The following MAP2K4 variants were observed in gnomAD, a reference collection of about 807,000 sequenced individuals.
MAP2K4 encodes mitogen-activated protein kinase kinase 4.
In MAP2K4, 4 loss-of-function variants were observed where a neutral mutation model predicts 48.5. The ratio of observed to expected loss-of-function variants is 0.08; its 90% CI spans 0.04 to 0.19. MAP2K4 has a LOEUF of 0.19. MAP2K4 is among the 10% of genes least tolerant of loss of function. MAP2K4 has a pLI of 1.00. For missense variants in MAP2K4, 258 were observed against 493.3 expected (o/e 0.52, Z 4.52); for synonymous variants, 166 against 173.1 (o/e 0.96, Z 0.32).
chr17:12,023,711 CT>C (rs1356548302), intron 1 of MAP2K4, among the ~76,000 whole-genome samples: 1 of 152,078 alleles, frequency 6.6e-6, no homozygotes, highest in Non-Finnish European at 1.5e-5. Flanking sequence ...GCCAATATTG[CT>C]TTCTTAATAT....
At chr17:12,074,767 A>G (rs1421810391) in intron 2 of MAP2K4, among the ~76,000 whole-genome samples, 3 of 152,128 alleles carry the variant, frequency 2.0e-5, no homozygotes, top group East Asian at 1.9e-4. Flanking sequence ...CCGCAACTCA[A>G]GGGTACTGCC....
At chr17:12,126,532 G>C (rs1024136019) in intron 8 of MAP2K4, among the ~76,000 whole-genome samples, 6 of 152,182 alleles carry the variant, frequency 3.9e-5, no homozygotes, top group Non-Finnish European at 5.9e-5. Flanking sequence ...CCATCTTCTT[G>C]TTGTAGTCTC....
rs76500102 is a variant in MAP2K4, at chr17:12,083,750, A to G, written c.393+2220A>G. Among the ~76,000 whole-genome samples, 822 of 152,364 alleles carry G rather than the reference A, an allele frequency of 5.4e-3. 5 individuals are homozygous for G. Among genetic ancestry groups the G allele is most frequent in the Non-Finnish European group, 8.8e-3 (597 of 68,032 alleles). On this transcript the variant is annotated intron_variant, in intron 3 of 10. Transcript: ENST00000353533. ...TTTCTTCAAAGAAGAATAGTCTTTC[A>G]TCACACTTGAGAGAGTTCATTCATT...
intron 2 of MAP2K4, among the ~76,000 whole-genome samples, chr17:12,078,931 C>G (rs1461107450): frequency 6.6e-6 from 1 of 152,038 alleles, no homozygotes; most frequent in African/African-American, 2.4e-5. Flanking sequence ...GATCGCTAGC[C>G]CAGTATAAAG....
chr17:12,046,584 A>G (rs1162037671), intron 1 of MAP2K4, among the ~76,000 whole-genome samples: 1 of 152,150 alleles, frequency 6.6e-6, no homozygotes, highest in Non-Finnish European at 1.5e-5. Context: ...GCTTTAAGTG[A>G]TAGCTCAAAG....
intron 9 of MAP2K4, among the ~76,000 whole-genome samples, chr17:12,134,958 A>C (rs1273758419): frequency 6.6e-6 from 1 of 152,220 alleles, no homozygotes; most frequent in Non-Finnish European, 1.5e-5. Context: ...ACTGGAGTGC[A>C]GTGGCATGAT....
At chr17:12,086,717 A>C (rs530668539) in intron 3 of MAP2K4, among the ~76,000 whole-genome samples, 5 of 152,214 alleles carry the variant, frequency 3.3e-5, no homozygotes, top group Non-Finnish European at 7.3e-5. Context: ...GTTTTTGAAC[A>C]TTCTAAAGAT....
At position 12,141,384 on chromosome 17, in the gene MAP2K4, C is replaced by A. The variant is rs755582365; in HGVS notation, c.*124C>A. 2 of 722,266 alleles carry A rather than the reference C, an allele frequency of 2.8e-6. No homozygotes were observed. Among genetic ancestry groups the A allele is most frequent in the Admixed American group, 2.0e-5 (1 of 49,528 alleles). The allele number at this position is 722,266 out of a possible 1,614,324, so 44.7% of individuals were successfully genotyped here. On this transcript the variant is annotated 3_prime_UTR_variant, in exon 11 of 11. Coordinates refer to ENST00000353533, the MANE Select transcript of MAP2K4 (RefSeq NM_003010.4). ...CACCATGTGCAATAAGATTGGTGTT[C>A]GTTTCCATCATGTCTGTATACTCCT...
chr17:12,073,509 A>G (rs897455520), intron 2 of MAP2K4, among the ~76,000 whole-genome samples: 4 of 152,222 alleles, frequency 2.6e-5, no homozygotes, highest in Non-Finnish European at 4.4e-5. Flanking sequence ...AGCCTTAGAT[A>G]TCTCAAATCT....
At chr17:12,048,191 G>T (rs952988065) in intron 1 of MAP2K4, among the ~76,000 whole-genome samples, 3 of 151,956 alleles carry the variant, frequency 2.0e-5, no homozygotes, top group African/African-American at 7.2e-5. Context: ...TAATTTTTTG[G>T]CAGAATGCCC....
intron 1 of MAP2K4, among the ~76,000 whole-genome samples, chr17:12,025,611 G>A (rs1465052018): frequency 6.6e-6 from 1 of 152,102 alleles, no homozygotes; most frequent in African/African-American, 2.4e-5. Context: ...TTAAAGTTCT[G>A]ATTTACAGAA....
intron 7 of MAP2K4, among the ~76,000 whole-genome samples, chr17:12,123,177 T>G (rs947391647): frequency 1.3e-5 from 2 of 152,198 alleles, no homozygotes; most frequent in African/African-American, 4.8e-5. Flanking sequence ...AAAAAATTTG[T>G]GTAAGGCCAG....
intron 1 of MAP2K4, among the ~76,000 whole-genome samples, chr17:12,030,148 A>G (rs1373080301): frequency 4.6e-5 from 7 of 152,148 alleles, no homozygotes; most frequent in African/African-American, 1.4e-4. Context: ...AATCTGCACT[A>G]TAAGCACTAA....
chr17:12,046,142 A>T lies in MAP2K4; in HGVS notation c.116-8747A>T, dbSNP rs9906966. Among the ~76,000 whole-genome samples the T allele has an allele frequency of 1.9e-3, 284 of 152,268 alleles. 2 individuals are homozygous for T. Among genetic ancestry groups the T allele is most frequent in the African/African-American group, 6.3e-3 (262 of 41,560 alleles). ...AGTGAACTCTTTAAATGAGCTAGGG[A>T]CAAATTAAGGATTCAGAGAACTATT... On this transcript the variant is annotated intron_variant, in intron 1 of 10. Transcript: ENST00000353533.
intron 4 of MAP2K4, among the ~76,000 whole-genome samples, chr17:12,099,774 C>T (rs1971877657): frequency 1.3e-5 from 2 of 152,064 alleles, no homozygotes; most frequent in Non-Finnish European, 2.9e-5. Context: ...AAAGACCTAC[C>T]ATTTATCTTA....
At chr17:12,078,554 A>G (rs1018688168) in intron 2 of MAP2K4, among the ~76,000 whole-genome samples, 2 of 152,196 alleles carry the variant, frequency 1.3e-5, no homozygotes, top group African/African-American at 4.8e-5. Flanking sequence ...TTGATAAAAT[A>G]TAGTCCCCAT....
intron 4 of MAP2K4, among the ~76,000 whole-genome samples, chr17:12,101,578 T>C (rs1971937393): frequency 6.6e-6 from 1 of 152,092 alleles, no homozygotes; most frequent in South Asian, 2.1e-4. Context: ...CCTGCTGAAA[T>C]TTTTATTGGG....
intron 9 of MAP2K4, 145 bp downstream of exon 9, chr17:12,129,432 G>C (rs1972959431): frequency 2.3e-6 from 2 of 880,810 alleles, no homozygotes; most frequent in East Asian, 2.5e-5. Flanking sequence ...CTGGATCACT[G>C]TGGCTGTATG....
chr17:12,044,047 G>T lies in MAP2K4; in HGVS notation c.116-10842G>T, dbSNP rs575963053. ...CAGACTCTTGCACAAAGTCAGGTATGGTTGAAAGGGCCACATTATCGGTAA... is the reference window on the plus strand; with the variant it reads ...CAGACTCTTGCACAAAGTCAGGTATTGTTGAAAGGGCCACATTATCGGTAA... On this transcript the variant is annotated intron_variant, in intron 1 of 10. Coordinates refer to ENST00000353533, the MANE Select transcript of MAP2K4 (RefSeq NM_003010.4). Among the ~76,000 whole-genome samples, 47 of 152,228 alleles carry T rather than the reference G, an allele frequency of 3.1e-4. 1 individual carries two copies. The highest frequency in any genetic ancestry group is 1.1e-3 in the African/African-American group (46 of 41,528).
Sources: gnomAD v4.1 joint callset for allele counts (sites outside exome capture counted in the v4.1 genomes callset) on GRCh38, gnomAD v4.1.1 for gene constraint, MANE v1.5 for transcripts, NCBI Gene and HGNC (gene_info 2026-07-23, HGNC 2026-07-21) for gene names.